Variants in PKHD1 observed in about 807,000 individuals in gnomAD.
The protein encoded by PKHD1 is PKHD1 ciliary IPT domain containing fibrocystin/polyductin, also known as fibrocystin.
In PKHD1, 291 loss-of-function variants were observed where a neutral mutation model predicts 412.0. The ratio of observed to expected loss-of-function variants is 0.71; its 90% CI spans 0.64 to 0.78. The LOEUF is 0.78. Among genes scored for constraint, PKHD1 ranks in the 30% least tolerant of loss-of-function variants. PKHD1 has a pLI of 0.00. For synonymous variants in PKHD1, 1,777 were observed against 1,821.5 expected, an observed-to-expected ratio of 0.98 and a Z score of 0.62; for missense variants, 4,825 against 4,950.7, an observed-to-expected ratio of 0.97 and a Z score of 0.76.
chr6:51,910,275 G>C (rs1307583444), intron 39 of PKHD1, among the ~76,000 whole-genome samples: 3 of 152,060 alleles, frequency 2.0e-5, no homozygotes, highest in Non-Finnish European at 4.4e-5. Flanking sequence ...CTCTCCAATG[G>C]ATAATAAAGA....
At chr6:51,746,001 G>GT (rs56821032) in intron 59 of PKHD1, among the ~76,000 whole-genome samples, 47 of 150,902 alleles carry the variant, frequency 3.1e-4, no homozygotes, top group African/African-American at 6.3e-4. Flanking sequence ...TTTTTGCTTT[G>GT]TTTTTTTTTC....
chr6:52,076,143 T>C, intron 6 of PKHD1, 133 bp downstream of exon 6: 1 of 714,482 alleles, frequency 1.4e-6, no homozygotes. Flanking sequence ...AACCAGAGGT[T>C]GACTCTTATT....
chr6:52,072,327 G>A (rs1810745062), intron 7 of PKHD1, 138 bp from the exon 8 acceptor site: 1 of 695,506 alleles, frequency 1.4e-6, no homozygotes, highest in East Asian at 2.7e-5. Flanking sequence ...GCAGGTGGCT[G>A]AAGGCGGATG....
intron 35 of PKHD1, among the ~76,000 whole-genome samples, chr6:51,974,444 TA>T (rs1335348112): frequency 5.3e-5 from 8 of 152,186 alleles, no homozygotes; most frequent in Admixed American, 5.2e-4. Context: ...GACAATGTAA[TA>T]GGCATAGACT....
intron 55 of PKHD1, among the ~76,000 whole-genome samples, chr6:51,760,219 C>T (rs1271010772): frequency 6.6e-6 from 1 of 152,026 alleles, no homozygotes; most frequent in Non-Finnish European, 1.5e-5. Context: ...TGCCATTGAA[C>T]CAAGAAGCTC....
At chr6:51,905,448 T>G (rs887093790) in intron 41 of PKHD1, among the ~76,000 whole-genome samples, 9 of 152,154 alleles carry the variant, frequency 5.9e-5, no homozygotes, top group Admixed American at 4.6e-4. Flanking sequence ...GAGAGAATGT[T>G]GCAAGAGAAG....
intron 36 of PKHD1, among the ~76,000 whole-genome samples, chr6:51,950,220 A>AAAAAAAAAAAAAAAAATATAT: frequency 2.4e-4 from 24 of 98,294 alleles, no homozygotes; most frequent in African/African-American, 8.3e-4. Flanking sequence ...GAAAAAAAAA[A>AAAAAAAAAAAAAAAAATATAT]ATATATATAT....
At chr6:51,840,883 A>G (rs575770735) in intron 50 of PKHD1, among the ~76,000 whole-genome samples, 6 of 152,368 alleles carry the variant, frequency 3.9e-5, no homozygotes, top group South Asian at 4.1e-4. Flanking sequence ...AGAGGCATAA[A>G]AAGTTTCATT....
intron 55 of PKHD1, among the ~76,000 whole-genome samples, chr6:51,759,147 G>A (rs1233739461): frequency 6.6e-6 from 1 of 152,176 alleles, no homozygotes; most frequent in Non-Finnish European, 1.5e-5. Flanking sequence ...TTCTCAGACT[G>A]TATTATTCTA....
In PKHD1 at chr6:52,058,613, T is replaced by C; in HGVS notation, c.1234-12A>G. The stretch of plus-strand genomic sequence containing the variant: ...GAGGCCACTTTCACCTATGCCCAAA[T>C]AAGCATATCATGATCAATACTATGC... On this transcript the variant is annotated splice_polypyrimidine_tract_variant and intron_variant, in intron 15 of 66. Coordinates refer to ENST00000371117, the MANE Select transcript of PKHD1 (RefSeq NM_138694.4). The C allele has an allele frequency of 6.2e-7, 1 of 1,613,288 alleles. No individual in the cohort carries two copies. The highest frequency in any genetic ancestry group is 8.5e-7 in the Non-Finnish European group (1 of 1,179,720).
At chr6:51,813,670 C>G (rs966852864) in intron 52 of PKHD1, among the ~76,000 whole-genome samples, 1 of 151,920 alleles carries the variant, frequency 6.6e-6, no homozygotes, top group Non-Finnish European at 1.5e-5. Context: ...TGGTATGGTC[C>G]TTATTAACGC....
At chr6:51,780,954 C>T (rs753565995) in intron 53 of PKHD1, among the ~76,000 whole-genome samples, 16 of 152,188 alleles carry the variant, frequency 1.1e-4, no homozygotes, top group South Asian at 2.1e-4. Flanking sequence ...ATAAATATCA[C>T]GACTGCACAT....
At chr6:51,982,879 ATAAAATAAAAT>A (rs1261403677) in intron 35 of PKHD1, among the ~76,000 whole-genome samples, 83 of 50,314 alleles carry the variant, frequency 1.6e-3, no homozygotes, top group African/African-American at 2.7e-3. Flanking sequence ...ATAAAATAAA[ATAAAATAAAAT>A]AAAAAAAAGA....
At position 51,868,120 on chromosome 6, in the gene PKHD1, G is replaced by T. The variant is rs907706316; in HGVS notation, c.7487-11C>A. The T allele has an allele frequency of 3.1e-6, 5 of 1,607,118 alleles. No individual in the cohort carries two copies. The highest frequency in any genetic ancestry group is 4.3e-6 in the Non-Finnish European group (5 of 1,174,134). On this transcript the variant is annotated splice_polypyrimidine_tract_variant and intron_variant, in intron 47 of 66. Coordinates refer to ENST00000371117, the MANE Select transcript of PKHD1 (RefSeq NM_138694.4). ...TCACAGTAAATCCACCTATAAATTG[G>T]AAAACAGAAAGATTATTACACAATG...
chr6:51,968,747 G>T (rs1793217553), intron 35 of PKHD1, among the ~76,000 whole-genome samples: 1 of 152,198 alleles, frequency 6.6e-6, no homozygotes, highest in Non-Finnish European at 1.5e-5. Flanking sequence ...AGACTTAAGT[G>T]AAACACATGG....
intron 65 of PKHD1, among the ~76,000 whole-genome samples, chr6:51,627,742 G>A (rs374262123): frequency 5.3e-5 from 8 of 152,120 alleles, no homozygotes; most frequent in South Asian, 4.2e-4. Context: ...AATTGAGACC[G>A]GTACAAGCCA....
intron 51 of PKHD1, among the ~76,000 whole-genome samples, chr6:51,835,856 G>T (rs1769112670): frequency 6.6e-6 from 1 of 152,198 alleles, no homozygotes; most frequent in South Asian, 2.1e-4. Context: ...CGTTTGAAAA[G>T]ATTTATTCCT....
intron 21 of PKHD1, 43 bp from the exon 22 acceptor site, chr6:52,050,338 GT>G (rs751411430): frequency 6.2e-7 from 1 of 1,606,270 alleles, no homozygotes; most frequent in Non-Finnish European, 8.5e-7. Context: ...ACTTAAGATG[GT>G]AGACTTGCTG....
At chr6:51,872,911 C>T (rs1217509371) in intron 46 of PKHD1, among the ~76,000 whole-genome samples, 4 of 111,358 alleles carry the variant, frequency 3.6e-5, no homozygotes, top group Non-Finnish European at 6.8e-5. Flanking sequence ...AGAAAGTTAC[C>T]TTAGGGTATG....
Sources: gnomAD v4.1 joint callset for allele counts (sites outside exome capture counted in the v4.1 genomes callset) on GRCh38, gnomAD v4.1.1 for gene constraint, MANE v1.5 for transcripts, NCBI Gene and HGNC (gene_info 2026-07-23, HGNC 2026-07-21) for gene names.